Variants in PRDM2 observed in about 807,000 individuals in gnomAD.
PRDM2 encodes PR/SET domain 2.
Under a neutral mutation model 130.0 loss-of-function variants are expected in PRDM2, and 30 were observed. That is an observed-to-expected ratio of 0.23 (90% confidence interval 0.17 to 0.31). The LOEUF is 0.31. Among genes scored for constraint, PRDM2 ranks in the 10% least tolerant of loss-of-function variants. The pLI, the probability that PRDM2 is intolerant of heterozygous loss-of-function variation, is 1.00. For synonymous variants in PRDM2, 871 were observed against 782.4 expected (o/e 1.11, Z -1.89); for missense variants, 2,011 against 2,108.4 (o/e 0.95, Z 0.90).
In PRDM2 at chr1:13,786,292, C is replaced by G. The variant is rs536940951; in HGVS notation, c.5036+3461C>G. Among the ~76,000 whole-genome samples, 174 of 152,216 alleles carry G rather than the reference C, an allele frequency of 1.1e-3. 3 individuals carry two copies. In the South Asian group the frequency reaches 0.035, roughly 31 times the overall value. On this transcript the variant is annotated intron_variant, in intron 8 of 9. Coordinates refer to ENST00000311066, the MANE Select transcript of PRDM2 (RefSeq NM_001393986.1). ...GATTTAAAAAAAAAAGTGCTAATTT[C>G]TCATGCCTCCATCTCTGCTACATCC...
chr1:13,754,395 T>C (rs1357287046), intron 6 of PRDM2, among the ~76,000 whole-genome samples: 4 of 152,214 alleles, frequency 2.6e-5, no homozygotes, highest in African/African-American at 9.6e-5. Context: ...CTGGTTGATG[T>C]GGGAGAGAAG....
intron 9 of PRDM2, among the ~76,000 whole-genome samples, chr1:13,821,416 A>G (rs1156994918): frequency 6.6e-6 from 1 of 151,494 alleles, no homozygotes. Flanking sequence ...GCCCAATTCA[A>G]CCCAATGCAG....
chr1:13,704,346 T>C (rs1482612251), intron 1 of PRDM2, among the ~76,000 whole-genome samples: 1 of 150,684 alleles, frequency 6.6e-6, no homozygotes, highest in Non-Finnish European at 1.5e-5. Context: ...GAATGAAATA[T>C]GCTTACAGTA....
At chr1:13,751,355 C>T (rs1018885894) in intron 6 of PRDM2, among the ~76,000 whole-genome samples, 14 of 152,072 alleles carry the variant, frequency 9.2e-5, no homozygotes, top group Non-Finnish European at 1.6e-4. Flanking sequence ...ATGCAGAGCT[C>T]TCTGTTGGAA....
At chr1:13,730,579 G>A (rs1643069545) in intron 2 of PRDM2, among the ~76,000 whole-genome samples, 1 of 152,226 alleles carries the variant, frequency 6.6e-6, no homozygotes. Context: ...CCTTTGTGGT[G>A]TGTGCTGAAA....
In PRDM2 at chr1:13,780,696, C is replaced by T. The variant is rs370214287; in HGVS notation, c.2901C>T (p.Pro967=). The change falls in exon 8 of 10, where the codon CCC becomes CCT. Residue 967 remains proline (P), a synonymous_variant. Coordinates refer to ENST00000311066, the MANE Select transcript of PRDM2 (RefSeq NM_001393986.1). ...SSGQLPPLLI[P]TDPSSPPPCP... is the part of the protein sequence containing the mutation. ...GTCAGCTGCCTCCTCTCTTGATCCC[C>T]ACAGATCCCTCTTCCCCTCCACCCT... 6.2e-7 allele frequency: 1 copy of T among 1,607,808 alleles called. No individual in the cohort carries two copies. The highest frequency in any genetic ancestry group is 8.5e-7 in the Non-Finnish European group (1 of 1,176,488).
intron 8 of PRDM2, among the ~76,000 whole-genome samples, chr1:13,790,997 G>A (rs903231565): frequency 3.3e-5 from 5 of 152,154 alleles, no homozygotes; most frequent in South Asian, 2.1e-4. Flanking sequence ...GTCATTTACC[G>A]ATGGAGAAAC....
intron 4 of PRDM2, among the ~76,000 whole-genome samples, chr1:13,734,220 C>CA (rs936816297): frequency 9.2e-5 from 14 of 152,074 alleles, no homozygotes; most frequent in Non-Finnish European, 1.5e-4. Flanking sequence ...ACTGCCCGGC[C>CA]AAAAAATGTG....
At chr1:13,794,645 G>A (rs891436435) in intron 8 of PRDM2, among the ~76,000 whole-genome samples, 1 of 152,190 alleles carries the variant, frequency 6.6e-6, no homozygotes, top group Admixed American at 6.5e-5. Flanking sequence ...CTTTAGAGCA[G>A]CCTGGAAGGA....
chr1:13,767,507 T>G (rs1644256114), intron 6 of PRDM2, among the ~76,000 whole-genome samples: 1 of 151,402 alleles, frequency 6.6e-6, no homozygotes. Context: ...GGTCTCACTA[T>G]GTTGCCAAGG....
chr1:13,725,500 C>T (rs778485852), intron 2 of PRDM2, among the ~76,000 whole-genome samples: 7 of 152,190 alleles, frequency 4.6e-5, no homozygotes, highest in East Asian at 1.9e-4. Flanking sequence ...CCACTGCGCC[C>T]GGCCCAAGTC....
intron 1 of PRDM2, among the ~76,000 whole-genome samples, chr1:13,713,809 C>T (rs1642447245): frequency 1.3e-5 from 2 of 152,170 alleles, no homozygotes; most frequent in South Asian, 4.1e-4. Context: ...CGTTTCTGGT[C>T]GAGGGTCAGG....
intron 4 of PRDM2, among the ~76,000 whole-genome samples, chr1:13,740,672 A>G (rs974171095): frequency 6.6e-6 from 1 of 152,204 alleles, no homozygotes; most frequent in African/African-American, 2.4e-5. Flanking sequence ...TTGAGCCTCA[A>G]TTTTCACATG....
intron 1 of PRDM2, among the ~76,000 whole-genome samples, chr1:13,710,236 G>T (rs1642327315): frequency 6.6e-6 from 1 of 152,222 alleles, no homozygotes; most frequent in Admixed American, 6.5e-5. Flanking sequence ...TGCTGGGGCT[G>T]CAGGGCTGGT....
chr1:13,771,417 G>A lies in PRDM2; in HGVS notation c.512-1661G>A, dbSNP rs1256642347. On this transcript the variant is annotated intron_variant, in intron 6 of 9. Transcript: ENST00000311066. The surrounding 1 kb of genome is among the most constrained non-coding windows in gnomAD (Gnocchi z 4.1). ...TGATAAACGTAGTGGCAAAAACATC[G>A]GATTTCCTATGGGCTGAAGAATTAG... Among the ~76,000 whole-genome samples, 9 of 152,150 alleles carry A rather than the reference G, an allele frequency of 5.9e-5. No homozygotes were observed. Among genetic ancestry groups the A allele is most frequent in the Non-Finnish European group, 1.0e-4 (7 of 68,032 alleles).
At chr1:13,800,418 G>C (rs2100729750) in intron 8 of PRDM2, among the ~76,000 whole-genome samples, 1 of 152,296 alleles carries the variant, frequency 6.6e-6, no homozygotes, top group African/African-American at 2.4e-5. Flanking sequence ...GGGAAGGGAG[G>C]CAGGGCGCAA....
intron 1 of PRDM2, among the ~76,000 whole-genome samples, chr1:13,704,347 GCT>G (rs1240256327): frequency 7.0e-6 from 1 of 142,810 alleles, no homozygotes; most frequent in Admixed American, 7.2e-5. Context: ...AATGAAATAT[GCT>G]TACAGTATTT....
chr1:13,785,834 C>CTTT (rs537560305), intron 8 of PRDM2, among the ~76,000 whole-genome samples: 2 of 115,110 alleles, frequency 1.7e-5, no homozygotes, highest in African/African-American at 3.2e-5. Context: ...TTTTTGGGTT[C>CTTT]TTTTTTTTTT....
chr1:13,786,704 G>A, intron 8 of PRDM2: 1 of 1,455,794 alleles, frequency 6.9e-7, no homozygotes, highest in Non-Finnish European at 9.0e-7. Flanking sequence ...GGCATCTGCT[G>A]CTTCGGTGGG....
Sources: gnomAD v4.1 joint callset for allele counts (sites outside exome capture counted in the v4.1 genomes callset) on GRCh38, gnomAD v4.1.1 for gene constraint, Gnocchi (gnomAD v3.1) non-coding constraint, MANE v1.5 for transcripts, NCBI Gene and HGNC (gene_info 2026-07-23, HGNC 2026-07-21) for gene names.